Variants in AHNAK2 observed in about 807,000 individuals in gnomAD.
The protein encoded by AHNAK2 is protein AHNAK2.
Under a neutral mutation model 30.7 loss-of-function variants are expected in AHNAK2, and 18 were observed. That is an observed-to-expected ratio of 0.59 (90% CI 0.41 to 0.87). The LOEUF (loss-of-function observed/expected upper bound fraction) is 0.87. Ranked by LOEUF, AHNAK2 falls within the 40% of genes least tolerant of loss-of-function variation. AHNAK2 has a pLI of 0.00. For synonymous variants in AHNAK2, 3,590 were observed against 3,073.8 expected (o/e 1.17, Z -5.56); for missense variants, 8,604 against 7,373.0 (o/e 1.17, Z -6.11).
Position 104,944,736 on chromosome 14 carries a change from T to C in AHNAK2, c.10715A>G (p.Lys3572Arg), listed in dbSNP as rs750308052. ...PSLKTPKVDL[K>R]GPQIDVKGPK... ...GCCCTTAACATCTATCTGGGGGCCCTTGAGGTCCACTTTGGGCGTCTTTAA... is the reference window on the plus strand; with the variant it reads ...GCCCTTAACATCTATCTGGGGGCCCCTGAGGTCCACTTTGGGCGTCTTTAA... Residue 3572 changes from lysine to arginine, a missense_variant, in exon 7 of 7, where the codon AAG becomes AGG. Transcript: ENST00000333244. 3.0e-5 allele frequency: 49 copies of C among 1,612,770 alleles called. No homozygotes were observed. Among genetic ancestry groups the C allele is most frequent in the Non-Finnish European group, 3.5e-5 (41 of 1,179,564 alleles).
chr14:104,974,977 G>T (rs924068505), intron 1 of AHNAK2, among the ~76,000 whole-genome samples: 1 of 152,232 alleles, frequency 6.6e-6, no homozygotes, highest in Admixed American at 6.5e-5. Flanking sequence ...CCGCATAGGT[G>T]TCACAAGAGG....
chr14:104,944,986 C>G lies in AHNAK2; in HGVS notation c.10465G>C (p.Gly3489Arg). The G allele has an allele frequency of 6.2e-7, 1 of 1,613,092 alleles. No individual in the cohort carries two copies. Residue 3489 changes from glycine to arginine, a missense_variant, in exon 7 of 7, where the codon GGC (glycine) becomes CGC (arginine). Physicochemically the swap from Gly to Arg is moderately radical, Grantham distance 125. Transcript: ENST00000333244. The stretch of plus-strand genomic sequence containing the variant: ...TCCAGCGAGGCCTCGATGGACCTGC[C>G]TGGGGCCGACACCCCGAAGGAGGGC... ...KMPSFGVSAP[G>R]RSIEASLDVS...
chr14:104,978,176 G>A lies in AHNAK2; in HGVS notation c.55+7C>T. The A allele has an allele frequency of 8.2e-7, 1 of 1,212,396 alleles. No individual in the cohort carries two copies. 75.1% of individuals were successfully genotyped at this position (1,212,396 alleles called of 1,614,324 possible). ...GGGGAGCGGGCTGCAGGCGGGGAGGGGCGCACCGCTGCCGGGGGTTCCGGG... is the reference window on the plus strand; with the variant it reads ...GGGGAGCGGGCTGCAGGCGGGGAGGAGCGCACCGCTGCCGGGGGTTCCGGG... On this transcript the variant is annotated splice_region_variant and intron_variant, in intron 1 of 6. Coordinates refer to ENST00000333244, the MANE Select transcript of AHNAK2 (RefSeq NM_138420.4).
In AHNAK2 at chr14:104,950,329, T is replaced by C. The variant is rs534944118; in HGVS notation, c.5122A>G (p.Ile1708Val). The C allele has an allele frequency of 4.0e-5, 63 of 1,584,946 alleles. 7 individuals carry two copies. The Admixed American group carries it at 5.4e-4, about 14-fold the overall frequency. ...TCCAGGTCGGCGGAAGGGGACTGAA[T>C]GCTGAGGTCAGTGGTCTTCAGGTCC... Reference protein sequence around the residue: ...QGDLKTTDLSIQSPSADLEVQ... With the variant: ...QGDLKTTDLSVQSPSADLEVQ... The change falls in exon 7 of 7, where the codon ATT (isoleucine) becomes GTT (valine). Residue 1708 changes from isoleucine to valine, a missense_variant. Transcript: ENST00000333244.
Position 104,951,933 on chromosome 14 carries a change from A to G in AHNAK2, c.3518T>C (p.Phe1173Ser). Residue 1173 changes from phenylalanine to serine, a missense_variant, in exon 7 of 7, where the codon TTC becomes TCC. Transcript: ENST00000333244. ...GGACTTGCCTGGGGCTGACGCCCCGAACGATGGCATCTTGAACTTGGGCAT... is the reference window on the plus strand; with the variant it reads ...GGACTTGCCTGGGGCTGACGCCCCGGACGATGGCATCTTGAACTTGGGCAT... ...FKMPKFKMPS[F>S]GASAPGKSIE... 6.2e-7 allele frequency: 1 copy of G among 1,610,068 alleles called. No homozygotes were observed.
rs775032034 is a variant in AHNAK2, at chr14:104,949,478, G to T, written c.5973C>A (p.Pro1991=). ...MTAKDSKFKM[P]KFKMPSFGVS... is the part of the protein sequence containing the mutation. ...CCCCGAACGACGGCATCTTGAATTTGGGCATTTTGAACTTGCTGTCTTTGG... is the reference window on the plus strand; with the variant it reads ...CCCCGAACGACGGCATCTTGAATTTTGGCATTTTGAACTTGCTGTCTTTGG... Residue 1991 remains proline (P), a synonymous_variant, in exon 7 of 7, where the codon CCC becomes CCA. Transcript: ENST00000333244. 11 of 1,588,374 alleles carry T rather than the reference G, an allele frequency of 6.9e-6. 1 individual carries two copies. The South Asian group carries it at 1.2e-4, about 18-fold the overall frequency.
rs1172965335 is a variant in AHNAK2 at position 104,945,767 on chromosome 14, C to G, written c.9684G>C (p.Lys3228Asn). The stretch of plus-strand genomic sequence containing the variant: ...GCATCTTGAAACTGGGCATCTGCAA[C>G]TTGGGCAGGTGCCCTTTGAGGCCAG... ...EGAGLKGHLPKLQMPSFKMPK... is the reference protein window; with the variant it reads ...EGAGLKGHLPNLQMPSFKMPK... The change falls in exon 7 of 7, where the codon AAG becomes AAC. Residue 3228 changes from lysine (K) to asparagine (N), a missense_variant. Coordinates refer to ENST00000333244, the MANE Select transcript of AHNAK2 (RefSeq NM_138420.4). 1 of 1,594,388 alleles carries G rather than the reference C, an allele frequency of 6.3e-7. No individual in the cohort carries two copies. Among genetic ancestry groups the G allele is most frequent in the South Asian group, 1.1e-5 (1 of 90,140 alleles).
Position 104,951,782 on chromosome 14 carries a change from G to T in AHNAK2, c.3669C>A (p.His1223Gln), listed in dbSNP as rs201187390. The T allele has an allele frequency of 4.6e-6, 5 of 1,078,770 alleles. No homozygotes were observed. The African/African-American group carries it at 7.0e-5, about 15-fold the overall frequency. 66.8% of individuals were successfully genotyped at this position (1,078,770 alleles called of 1,614,324 possible). ...IQPPSADLEV[H>Q]AGQVDVKLLE... ...GGAGCTTCACGTCCACCTGGCCAGC[G>T]TGGACCTCCAGGTCAGCGGAAGGGG... Residue 1223 changes from histidine (H) to glutamine (Q), a missense_variant, in exon 7 of 7, where the codon CAC becomes CAA. Physicochemically the swap from His to Gln is conservative, Grantham distance 24. Transcript: ENST00000333244.
rs781664318 is a variant in AHNAK2 at position 104,946,577 on chromosome 14, T to G, written c.8874A>C (p.Ala2958=). ...VEAPRAKLDG[A]RLEGDLSLAD... is the part of the protein sequence containing the mutation. Reference sequence around the variant, plus strand: ...CCAGGGACAGGTCACCCTCCAGCCGTGCACCATCCAGCTTTGCTCTCGGGG... The same window carrying G: ...CCAGGGACAGGTCACCCTCCAGCCGGGCACCATCCAGCTTTGCTCTCGGGG... The change falls in exon 7 of 7, where the codon GCA becomes GCC. Residue 2958 remains alanine, a synonymous_variant. Coordinates refer to ENST00000333244, the MANE Select transcript of AHNAK2 (RefSeq NM_138420.4). 1 of 1,610,618 alleles carries G rather than the reference T, an allele frequency of 6.2e-7. No individual in the cohort carries two copies. The highest frequency in any genetic ancestry group is 1.1e-5 in the South Asian group (1 of 90,910).
Position 104,952,426 on chromosome 14 carries a change from C to T in AHNAK2, c.3025G>A (p.Gly1009Arg), listed in dbSNP as rs769826737. The change falls in exon 7 of 7, where the codon GGG becomes AGG. Residue 1009 changes from glycine to arginine, a missense_variant. Physicochemically the swap from Gly to Arg is moderately radical, Grantham distance 125. Coordinates refer to ENST00000333244, the MANE Select transcript of AHNAK2 (RefSeq NM_138420.4). ...KMPKFKMPSF[G>R]VSAPGKSIKA... ...ATGGACTTCCCTGGGGCCGATACCCCGAACGACGGCATCTTGAACTTGGGC... is the reference window on the plus strand; with the variant it reads ...ATGGACTTCCCTGGGGCCGATACCCTGAACGACGGCATCTTGAACTTGGGC... The T allele has an allele frequency of 1.7e-5, 27 of 1,612,708 alleles. No individual in the cohort carries two copies. The highest frequency in any genetic ancestry group is 1.6e-4 in the Middle Eastern group (1 of 6,078).
chr14:104,945,417 G>C lies in AHNAK2; in HGVS notation c.10034C>G (p.Pro3345Arg). ...APKAEADVSL[P>R]SMQGDLKTTD... is the part of the protein sequence containing the mutation. ...GGTCTTGAGGTCCCCCTGCATGGAG[G>C]GGAGGCTCACGTCGGCCTCCGCCTT... is the stretch of plus-strand genomic sequence containing the variant. The change falls in exon 7 of 7, where the codon CCC (proline) becomes CGC (arginine). Residue 3345 changes from proline to arginine, a missense_variant. Coordinates refer to ENST00000333244, the MANE Select transcript of AHNAK2 (RefSeq NM_138420.4). 1.2e-6 allele frequency: 2 copies of C among 1,613,238 alleles called. No homozygotes were observed. The highest frequency in any genetic ancestry group is 1.7e-6 in the Non-Finnish European group (2 of 1,179,636).
chr14:104,973,848 C>T (rs932586548), intron 1 of AHNAK2, among the ~76,000 whole-genome samples: 4 of 152,176 alleles, frequency 2.6e-5, no homozygotes, highest in African/African-American at 9.7e-5. Flanking sequence ...TCAGCAGGTC[C>T]GAGTGCGCAG....
At position 104,945,472 on chromosome 14, in the gene AHNAK2, T is replaced by C; in HGVS notation, c.9979A>G (p.Ile3327Val). 1 of 1,613,322 alleles carries C rather than the reference T, an allele frequency of 6.2e-7. No homozygotes were observed. The highest frequency in any genetic ancestry group is 1.1e-5 in the South Asian group (1 of 91,036). The part of the protein sequence containing the change: ...SYRASAPGKS[I>V]QASVDVSAPK... ...GCAGACACATCCACCGAGGCCTGGATGGACTTGCCTGGGGCAGACGCCCTG... is the reference window on the plus strand; with the variant it reads ...GCAGACACATCCACCGAGGCCTGGACGGACTTGCCTGGGGCAGACGCCCTG... Residue 3327 changes from isoleucine (I) to valine (V), a missense_variant, in exon 7 of 7, where the codon ATC becomes GTC. Coordinates refer to ENST00000333244, the MANE Select transcript of AHNAK2 (RefSeq NM_138420.4).
At position 104,966,280 on chromosome 14, in the gene AHNAK2, C is replaced by G. The variant is rs888922471; in HGVS notation, c.56-8608G>C. Reference sequence around the variant, plus strand: ...AGGCCCAGACCCCTGGCCTCCATAACCCCCCAGCAGAGCCACAACCTCCGT... The same window carrying G: ...AGGCCCAGACCCCTGGCCTCCATAAGCCCCCAGCAGAGCCACAACCTCCGT... On this transcript the variant is annotated intron_variant, in intron 1 of 6. Transcript: ENST00000333244. The surrounding 1 kb of genome is among the most constrained non-coding windows in gnomAD (Gnocchi z 4.3). Among the ~76,000 whole-genome samples the G allele has an allele frequency of 3.9e-5, 6 of 152,038 alleles. No homozygotes were observed. The highest frequency in any genetic ancestry group is 1.4e-4 in the African/African-American group (6 of 41,386).
Position 104,951,629 on chromosome 14 carries a change from G to A in AHNAK2, c.3822C>T (p.Asp1274=), listed in dbSNP as rs756211401. 2 of 1,246,690 alleles carry A rather than the reference G, an allele frequency of 1.6e-6. 1 individual carries two copies. The highest frequency in any genetic ancestry group is 2.3e-6 in the Non-Finnish European group (2 of 880,740). 77.2% of individuals were successfully genotyped at this position (1,246,690 alleles called of 1,614,324 possible). Residue 1274 remains aspartate (D), a synonymous_variant, in exon 7 of 7, where the codon GAC becomes GAT. Transcript: ENST00000333244. ...TCACCTCTGCCTTATGACCTTTCAG[G>A]TCCAGCTTGGGGCCCCTGACTTCCA... is the stretch of plus-strand genomic sequence containing the variant. The part of the protein sequence containing the change: ...PQVEVRGPKL[D]LKGHKAEVTA...
rs776787571 is a variant in AHNAK2 at position 104,945,912 on chromosome 14, G to T, written c.9539C>A (p.Pro3180His). 1.6e-6 allele frequency: 2 copies of T among 1,248,450 alleles called. No individual in the cohort carries two copies. Among genetic ancestry groups the T allele is most frequent in the South Asian group, 2.8e-5 (2 of 72,276 alleles). 77.3% of individuals were successfully genotyped at this position (1,248,450 alleles called of 1,614,324 possible). Residue 3180 changes from proline to histidine, a missense_variant, in exon 7 of 7, where the codon CCC (proline) becomes CAC (histidine). Coordinates refer to ENST00000333244, the MANE Select transcript of AHNAK2 (RefSeq NM_138420.4). ...APKVEADLSL[P>H]SMQGDLKNTD... is the part of the protein sequence containing the mutation. ...GTTCTTCAGGTCCCCCTGCATGGAG[G>T]GGAGGCTCAGGTCGGCCTCCACCTT... is the stretch of plus-strand genomic sequence containing the variant.
In AHNAK2 at chr14:104,949,465, G is replaced by A; in HGVS notation, c.5986C>T (p.Pro1996Ser). 1.9e-6 allele frequency: 3 copies of A among 1,588,454 alleles called. 1 individual carries two copies. The highest frequency in any genetic ancestry group is 2.6e-6 in the Non-Finnish European group (3 of 1,162,966). ...CCTGGGGCCGATACCCCGAACGACG[G>A]CATCTTGAATTTGGGCATTTTGAAC... ...SKFKMPKFKM[P>S]SFGVSAPGRS... Residue 1996 changes from proline (P) to serine (S), a missense_variant, in exon 7 of 7, where the codon CCG (proline) becomes TCG (serine). By Grantham distance (74) the Pro-to-Ser change is moderately conservative. Coordinates refer to ENST00000333244, the MANE Select transcript of AHNAK2 (RefSeq NM_138420.4).
chr14:104,947,846 G>C lies in AHNAK2; in HGVS notation c.7605C>G (p.Pro2535=). The C allele has an allele frequency of 2.5e-6, 4 of 1,612,684 alleles. No homozygotes were observed. The highest frequency in any genetic ancestry group is 3.4e-6 in the Non-Finnish European group (4 of 1,179,578). Residue 2535 remains proline (P), a synonymous_variant, in exon 7 of 7, where the codon CCC becomes CCG. Transcript: ENST00000333244. ...CCTGGACCTCCAGGTCAGCGGAAGGGGGCTGAATGCTGAGGTCAGTGGCCT... is the reference window on the plus strand; with the variant it reads ...CCTGGACCTCCAGGTCAGCGGAAGGCGGCTGAATGCTGAGGTCAGTGGCCT... ...DLKATDLSIQ[P]PSADLEVQAG...
In AHNAK2 at chr14:104,952,874, A is replaced by G; in HGVS notation, c.2577T>C (p.Ser859=). 6.2e-7 allele frequency: 1 copy of G among 1,611,882 alleles called. No homozygotes were observed. Among genetic ancestry groups the G allele is most frequent in the Non-Finnish European group, 8.5e-7 (1 of 1,179,420 alleles). ...TCACGTCGGCCTCCACCTTCGGCGCAGACACATCCACCGAGTCCTCCATGG... is the reference window on the plus strand; with the variant it reads ...TCACGTCGGCCTCCACCTTCGGCGCGGACACATCCACCGAGTCCTCCATGG... ...GKSMEDSVDV[S]APKVEADVSL... is the part of the protein sequence containing the mutation. Residue 859 remains serine (S), a synonymous_variant, in exon 7 of 7, where the codon TCT becomes TCC. Coordinates refer to ENST00000333244, the MANE Select transcript of AHNAK2 (RefSeq NM_138420.4).
Sources: allele counts gnomAD v4.1 joint callset (sites outside exome capture counted in the v4.1 genomes callset), GRCh38; gene constraint gnomAD v4.1.1; non-coding constraint Gnocchi (gnomAD v3.1); transcripts MANE v1.5; gene names NCBI Gene and HGNC (gene_info 2026-07-23, HGNC 2026-07-21).